LARGE1: variants seen among roughly 807,000 people sequenced by gnomAD.
LARGE1 encodes LARGE xylosyl- and glucuronyltransferase 1, also known as xylosyl- and glucuronyltransferase LARGE1.
LARGE1 carries 43 observed loss-of-function variants against 87.6 expected under a neutral mutation model. That is an observed-to-expected ratio of 0.49 (90% confidence interval 0.38 to 0.63). The LOEUF (loss-of-function observed/expected upper bound fraction) is 0.63, where lower values mean the gene tolerates loss of function less well. LARGE1 is among the 30% of genes least tolerant of loss of function. LARGE1 has a pLI of 0.00. For missense variants in LARGE1, 802 were observed against 1,000.2 expected, an observed-to-expected ratio of 0.80 and a Z score of 2.67; for synonymous variants, 434 against 394.6, an observed-to-expected ratio of 1.10 and a Z score of -1.18.
chr22:33,394,628 A>G (rs748842670), intron 7 of LARGE1, among the ~76,000 whole-genome samples: 2 of 152,140 alleles, frequency 1.3e-5, no homozygotes, highest in Non-Finnish European at 2.9e-5. Flanking sequence ...CCATATAACT[A>G]ACGTGTGGTA....
intron 1 of LARGE1, among the ~76,000 whole-genome samples, chr22:33,785,390 T>C (rs1272091721): frequency 1.3e-5 from 2 of 152,076 alleles, no homozygotes; most frequent in Non-Finnish European, 2.9e-5. Flanking sequence ...ATAAAGTCAC[T>C]CGATGAGTAA....
chr22:33,667,660 G>A (rs1008295511), intron 2 of LARGE1, among the ~76,000 whole-genome samples: 1 of 152,202 alleles, frequency 6.6e-6, no homozygotes, highest in African/African-American at 2.4e-5. Context: ...TTCATCATTG[G>A]TTAAGATCGT....
At chr22:33,671,689 A>G (rs2081417388) in intron 2 of LARGE1, among the ~76,000 whole-genome samples, 1 of 152,228 alleles carries the variant, frequency 6.6e-6, no homozygotes, top group Admixed American at 6.5e-5. Flanking sequence ...GCAGAATCAA[A>G]GTTATGTTGT....
intron 14 of LARGE1, among the ~76,000 whole-genome samples, chr22:33,274,854 G>A (rs1928890203): frequency 6.6e-6 from 1 of 152,130 alleles, no homozygotes; most frequent in Non-Finnish European, 1.5e-5. Context: ...CATCTATAAG[G>A]TGAAAGTAAT....
chr22:33,404,342 T>C (rs951134108), intron 7 of LARGE1, among the ~76,000 whole-genome samples: 2 of 152,202 alleles, frequency 1.3e-5, no homozygotes, highest in South Asian at 2.1e-4. Context: ...GCCTGCCTCC[T>C]AGGCTGTTTT....
chr22:33,472,855 A>G (rs958536124), intron 6 of LARGE1, among the ~76,000 whole-genome samples: 20 of 152,346 alleles, frequency 1.3e-4, no homozygotes, highest in Non-Finnish European at 1.5e-5. Flanking sequence ...TAATGATACC[A>G]GTAGCAGTGC....
intron 2 of LARGE1, among the ~76,000 whole-genome samples, chr22:33,685,475 T>C (rs2081916930): frequency 6.6e-6 from 1 of 152,180 alleles, no homozygotes; most frequent in Non-Finnish European, 1.5e-5. Flanking sequence ...TCCTACAGCA[T>C]TTCCCAAAGC....
intron 1 of LARGE1, among the ~76,000 whole-genome samples, chr22:33,828,429 A>ATAG (rs1440852715): frequency 6.6e-6 from 1 of 152,232 alleles, no homozygotes; most frequent in Admixed American, 6.5e-5. Context: ...AAAGATGAGG[A>ATAG]TAGAAGAAAG....
chr22:33,886,844 A>T lies in LARGE1; in HGVS notation c.-83+33151T>A, dbSNP rs554397571. On this transcript the variant is annotated intron_variant, in intron 1 of 14. Coordinates refer to ENST00000397394, the MANE Select transcript of LARGE1 (RefSeq NM_133642.5). Reference sequence around the variant, plus strand: ...ACCACTGCAGGATACAGTGGCAAGGAAAACGACAAAAAGACACCCCTGGCT... The same window carrying T: ...ACCACTGCAGGATACAGTGGCAAGGTAAACGACAAAAAGACACCCCTGGCT... 3.3e-5 allele frequency among the ~76,000 whole-genome samples: 5 copies of T among 152,268 alleles called. No homozygotes were observed. In the East Asian group the frequency reaches 9.7e-4, roughly 29 times the overall value.
At chr22:33,225,522 C>T (rs1925687174) in intron 11 of LARGE1, among the ~76,000 whole-genome samples, 1 of 152,208 alleles carries the variant, frequency 6.6e-6, no homozygotes, top group Middle Eastern at 3.4e-3. Context: ...GGGCATTTTC[C>T]AGGCATTTCT....
At chr22:33,649,693 A>T (rs575338226) in intron 3 of LARGE1, among the ~76,000 whole-genome samples, 1 of 152,318 alleles carries the variant, frequency 6.6e-6, no homozygotes, top group East Asian at 1.9e-4. Context: ...ATGAATAGGC[A>T]TGCCCTAATT....
chr22:33,557,694 T>A (rs76167857), intron 6 of LARGE1, among the ~76,000 whole-genome samples: 1 of 152,164 alleles, frequency 6.6e-6, no homozygotes, highest in Non-Finnish European at 1.5e-5. Flanking sequence ...GCCTCCCAAG[T>A]AGCTGGAATT....
chr22:33,690,060 T>G (rs1259910867), intron 2 of LARGE1, among the ~76,000 whole-genome samples: 2 of 152,234 alleles, frequency 1.3e-5, no homozygotes, highest in Non-Finnish European at 2.9e-5. Context: ...ATTCCTCTCA[T>G]GCTGGCTGCT....
intron 2 of LARGE1, among the ~76,000 whole-genome samples, chr22:33,671,311 T>C (rs2081405404): frequency 6.6e-6 from 1 of 152,232 alleles, no homozygotes; most frequent in Non-Finnish European, 1.5e-5. Context: ...GCTGAGTCCA[T>C]ACTGAGTGAG....
intron 2 of LARGE1, among the ~76,000 whole-genome samples, chr22:33,693,701 G>A (rs12167042): frequency 0.01 from 1,543 of 152,278 alleles, 39 homozygotes; most frequent in African/African-American, 0.035. Flanking sequence ...GCGCACGCCT[G>A]TGGTCCCAGC....
At position 33,641,116 on chromosome 22, in the gene LARGE1, C is replaced by T. The variant is rs111552895; in HGVS notation, c.408+9251G>A. On this transcript the variant is annotated intron_variant, in intron 3 of 14. Transcript: ENST00000397394. Reference sequence around the variant, plus strand: ...AGTGGGTCCCTGACTCCTGTGCCTCCTGATTGGGAGACACCTCAAACAGGA... The same window carrying T: ...AGTGGGTCCCTGACTCCTGTGCCTCTTGATTGGGAGACACCTCAAACAGGA... 7.4e-3 allele frequency among the ~76,000 whole-genome samples: 1,127 copies of T among 152,276 alleles called. 9 individuals are homozygous for T. The highest frequency in any genetic ancestry group is 0.012 in the Non-Finnish European group (832 of 68,022).
At chr22:33,694,249 C>G (rs1358948180) in intron 2 of LARGE1, among the ~76,000 whole-genome samples, 1 of 152,222 alleles carries the variant, frequency 6.6e-6, no homozygotes, top group Non-Finnish European at 1.5e-5. Context: ...TCTAGAGAGG[C>G]TGACACCAAC....
chr22:33,864,703 G>A (rs901354547), intron 1 of LARGE1, among the ~76,000 whole-genome samples: 32 of 152,196 alleles, frequency 2.1e-4, no homozygotes, highest in Non-Finnish European at 3.5e-4. Context: ...ACTGCCTTGA[G>A]ACAGCAGCAG....
chr22:33,561,744 G>T (rs2077869311), intron 6 of LARGE1, among the ~76,000 whole-genome samples: 1 of 152,198 alleles, frequency 6.6e-6, no homozygotes, highest in South Asian at 2.1e-4. Context: ...GTTGGTGCAG[G>T]CTGGGTAAAG....
Sources: gnomAD v4.1 joint callset for allele counts (sites outside exome capture counted in the v4.1 genomes callset) on GRCh38, gnomAD v4.1.1 for gene constraint, MANE v1.5 for transcripts, NCBI Gene and HGNC (gene_info 2026-07-23, HGNC 2026-07-21) for gene names.